Variants in LTF observed in about 807,000 individuals in gnomAD.
LTF encodes the protein lactotransferrin, also known as epididymis luminal protein 110.
Under a neutral mutation model 87.2 loss-of-function variants are expected in LTF, and 91 were observed. That is an observed-to-expected ratio of 1.04 (90% CI 0.88 to 1.24). The LOEUF (loss-of-function observed/expected upper bound fraction) is 1.24, where lower values mean the gene tolerates loss of function less well. Among genes scored for constraint, LTF ranks in the 50% most tolerant of loss-of-function variants. The probability of loss-of-function intolerance (pLI) is 0.00; values close to 1 mark genes in which losing one functional copy is unlikely to be tolerated. For synonymous variants in LTF, 378 were observed against 356.1 expected, an observed-to-expected ratio of 1.06 and a Z score of -0.69; for missense variants, 901 against 904.3, an observed-to-expected ratio of 1.00 and a Z score of 0.05.
rs180835149 is a variant in LTF, at chr3:46,479,372, C to A, written c.-320+5614G>T. ...TGGGGCCCTGTGGGTACCTAGAAGA[C>A]CATCTGCTTTTACTCTGAGGATGTA... On this transcript the variant is annotated intron_variant, in intron 1 of 19. Transcript: ENST00000443496. Among the ~76,000 whole-genome samples, 30 of 152,288 alleles carry A rather than the reference C, an allele frequency of 2.0e-4. No individual in the cohort carries two copies. The East Asian group carries it at 5.0e-3, about 25-fold the overall frequency.
upstream of LTF, among the ~76,000 whole-genome samples, chr3:46,465,777 C>G (rs1378100986): frequency 6.6e-6 from 1 of 152,174 alleles, no homozygotes; most frequent in Non-Finnish European, 1.5e-5. Flanking sequence ...TCCCATGACA[C>G]ACAGCACCCC....
upstream of LTF, chr3:46,469,532 A>T (rs1357062615): frequency 1.3e-5 from 2 of 152,108 alleles, no homozygotes; most frequent in Non-Finnish European, 2.9e-5. Flanking sequence ...TCCACCCGGG[A>T]CCCCATCCAG....
At chr3:46,484,759 A>G (rs1286265703) in intron 1 of LTF, among the ~76,000 whole-genome samples, 2 of 152,184 alleles carry the variant, frequency 1.3e-5, no homozygotes, top group African/African-American at 4.8e-5. Context: ...AGGTGCTAAC[A>G]CCTGAAGGTG....
At chr3:46,446,920 TC>T (rs1393895578) in intron 10 of LTF, among the ~76,000 whole-genome samples, 1 of 152,166 alleles carries the variant, frequency 6.6e-6, no homozygotes. Flanking sequence ...GAGAGAGGCT[TC>T]CCTTGCAGGA....
chr3:46,440,997 C>T (rs770986922), intron 14 of LTF, among the ~76,000 whole-genome samples: 4 of 152,222 alleles, frequency 2.6e-5, no homozygotes, highest in Non-Finnish European at 5.9e-5. Flanking sequence ...GCCTCTACTT[C>T]CTTTTTCATA....
chr3:46,450,718 CAGCAGTAACCTCG>C (rs771517912), intron 6 of LTF, 45 bp from the exon 7 acceptor site: 2 of 1,517,970 alleles, frequency 1.3e-6, no homozygotes, highest in South Asian at 2.3e-5. Context: ...AAGCCGACTC[CAGCAGTAACCTCG>C]AGCTATAGTT....
At chr3:46,457,017 G>A (rs981429085) in intron 2 of LTF, among the ~76,000 whole-genome samples, 4 of 152,094 alleles carry the variant, frequency 2.6e-5, no homozygotes, top group Admixed American at 2.0e-4. Flanking sequence ...TAGATCCCTC[G>A]CATGCACAGT....
chr3:46,472,578 C>T (rs1703308072), intron 1 of LTF, among the ~76,000 whole-genome samples: 1 of 149,478 alleles, frequency 6.7e-6, no homozygotes, highest in African/African-American at 2.5e-5. Context: ...GTTGCCCAGG[C>T]TGGAGTGCAG....
Position 46,482,782 on chromosome 3 carries a change from AGAAAGAAAGAAAGAAGGAAG to A in LTF, c.-320+2184_-320+2203del, listed in dbSNP as rs1364230132. Among the ~76,000 whole-genome samples the A allele has an allele frequency of 4.7e-4, 62 of 131,792 alleles. 1 individual carries two copies. Among genetic ancestry groups the A allele is most frequent in the Admixed American group, 1.4e-3 (17 of 12,458 alleles). 86.5% of individuals were successfully genotyped at this position (131,792 alleles called of 152,430 possible). On this transcript the variant is annotated intron_variant, in intron 1 of 19. Coordinates refer to the LTF transcript ENST00000443496. ...AAGAGAAAGAAAGAAAGAAAGAAAA[AGAAAGAAAGAAAGAAGGAAG>A]GAAAGAAAGAAAGAAAGAAAGAGAA...
At chr3:46,452,363 G>C (rs1575315440) in intron 6 of LTF, among the ~76,000 whole-genome samples, 1 of 152,160 alleles carries the variant, frequency 6.6e-6, no homozygotes, top group African/African-American at 2.4e-5. Flanking sequence ...CTAAAAAGAG[G>C]TGTGATCAAA....
intron 1 of LTF, among the ~76,000 whole-genome samples, chr3:46,478,572 G>A (rs1386573059): frequency 1.3e-5 from 2 of 152,316 alleles, no homozygotes; most frequent in East Asian, 1.9e-4. Flanking sequence ...GCAGCTGGAT[G>A]AGGAAGCAGC....
chr3:46,440,359 T>C (rs1702490037), intron 14 of LTF, among the ~76,000 whole-genome samples: 2 of 152,214 alleles, frequency 1.3e-5, no homozygotes, highest in Non-Finnish European at 1.5e-5. Flanking sequence ...GGAACTTTTA[T>C]AGGTTTATCA....
At chr3:46,476,580 G>A (rs1703361455) in intron 1 of LTF, among the ~76,000 whole-genome samples, 1 of 152,186 alleles carries the variant, frequency 6.6e-6, no homozygotes, top group Non-Finnish European at 1.5e-5. Flanking sequence ...TATAACAGCA[G>A]ATGCACAAAT....
chr3:46,447,537 A>G, intron 9 of LTF, 139 bp from the exon 10 acceptor site: 1 of 677,086 alleles, frequency 1.5e-6, no homozygotes, highest in South Asian at 1.7e-5. Flanking sequence ...CAAACTGAGC[A>G]GCCAGAGGAA....
At chr3:46,474,126 G>T (rs1400325480) in intron 1 of LTF, among the ~76,000 whole-genome samples, 1 of 152,110 alleles carries the variant, frequency 6.6e-6, no homozygotes, top group Non-Finnish European at 1.5e-5. Context: ...AATTACATAA[G>T]TAAATAGTCT....
At chr3:46,476,899 A>T (rs773432676) in intron 1 of LTF, among the ~76,000 whole-genome samples, 3 of 152,200 alleles carry the variant, frequency 2.0e-5, no homozygotes, top group African/African-American at 7.2e-5. Context: ...TATAATCTTT[A>T]TGTATGTGAG....
chr3:46,469,080 C>A (rs979782402), upstream of LTF, among the ~76,000 whole-genome samples: 2 of 152,176 alleles, frequency 1.3e-5, no homozygotes, highest in African/African-American at 4.8e-5. Context: ...ATTTGGATGA[C>A]ATTTTAAAAT....
At chr3:46,464,105 AG>A in intron 1 of LTF, among the ~76,000 whole-genome samples, 1 of 152,132 alleles carries the variant, frequency 6.6e-6, no homozygotes, top group Non-Finnish European at 1.5e-5. Flanking sequence ...CCGGTGCTGC[AG>A]GGAGCTCCGC....
rs111352033 is a variant in LTF, at chr3:46,455,729, G to A, written c.499+67C>T. 223 of 1,479,090 alleles carry A rather than the reference G, an allele frequency of 1.5e-4. 3 individuals carry two copies. In the African/African-American group the frequency reaches 2.2e-3, roughly 14 times the overall value. 91.6% of individuals were successfully genotyped at this position (1,479,090 alleles called of 1,614,324 possible). A position where few individuals can be genotyped will look rare whatever the true frequency, so the allele number is the denominator to read the frequency against. Reference sequence around the variant, plus strand: ...ACACTTTCACCTGCATGATCTGTGTGGCCTGTGCTTACAACTGGAATAGAG... The same window carrying A: ...ACACTTTCACCTGCATGATCTGTGTAGCCTGTGCTTACAACTGGAATAGAG... On this transcript the variant is annotated intron_variant, in intron 4 of 16. Coordinates refer to ENST00000231751, the MANE Select transcript of LTF (RefSeq NM_002343.6).
Sources: allele counts gnomAD v4.1 joint callset (sites outside exome capture counted in the v4.1 genomes callset), GRCh38; gene constraint gnomAD v4.1.1; transcripts MANE v1.5; gene names NCBI Gene and HGNC (gene_info 2026-07-23, HGNC 2026-07-21).